NALCN: variants seen among roughly 807,000 people sequenced by gnomAD.
The protein encoded by NALCN is sodium leak channel, non-selective, also known as sodium leak channel NALCN.
NALCN carries 111 observed loss-of-function variants against 225.3 expected under a neutral mutation model. That is an observed-to-expected ratio of 0.49 (90% CI 0.42 to 0.58). The LOEUF is 0.58. Ranked by LOEUF, NALCN falls within the 20% of genes least tolerant of loss-of-function variation. NALCN has a pLI of 0.00. For synonymous variants in NALCN, 764 were observed against 769.0 expected, an observed-to-expected ratio of 0.99 and a Z score of 0.11; for missense variants, 1,378 against 2,202.4, an observed-to-expected ratio of 0.63 and a Z score of 7.49.
At chr13:101,279,176 GGAT>G (rs2043064101) in intron 10 of NALCN, among the ~76,000 whole-genome samples, 1 of 152,146 alleles carries the variant, frequency 6.6e-6, no homozygotes, top group Admixed American at 6.5e-5. Flanking sequence ...GAAAAGTGTA[GGAT>G]GATATGAAAA....
rs531523939 is a variant in NALCN, at chr13:101,282,420, C to T, written c.1134+1513G>A. On this transcript the variant is annotated intron_variant, in intron 10 of 43. Transcript: ENST00000251127. ...GAACTAGACACAGAAAGACAAACAC[C>T]GCATAATCTCATTTATATATGGAAT... Among the ~76,000 whole-genome samples the T allele has an allele frequency of 3.1e-3, 467 of 152,144 alleles. 2 individuals are homozygous for T. The highest frequency in any genetic ancestry group is 4.0e-3 in the African/African-American group (167 of 41,506).
intron 17 of NALCN, among the ~76,000 whole-genome samples, chr13:101,132,886 T>A (rs922136029): frequency 6.6e-6 from 1 of 152,144 alleles, no homozygotes; most frequent in African/African-American, 2.4e-5. Context: ...TATTCTCACA[T>A]CCTAATGCAA....
At chr13:101,314,244 T>C (rs867124394) in intron 7 of NALCN, among the ~76,000 whole-genome samples, 2 of 151,910 alleles carry the variant, frequency 1.3e-5, no homozygotes, top group East Asian at 1.9e-4. Flanking sequence ...CACACTAACA[T>C]GGCACATGTA....
At position 101,056,957 on chromosome 13, in the gene NALCN, C is replaced by A. The variant is rs139515573; in HGVS notation, c.5023+982G>T. On this transcript the variant is annotated intron_variant, in intron 43 of 43. Transcript: ENST00000251127. ...CTGCTGTGTTTGAATCAGGAGGAAC[C>A]TAGATCTTCTCTGATCTCTGAAAAA... 2.5e-3 allele frequency: 385 copies of A among 152,300 alleles called. 2 individuals are homozygous for A. The highest frequency in any genetic ancestry group is 8.8e-3 in the African/African-American group (366 of 41,564). 9.4% of individuals were successfully genotyped at this position (152,300 alleles called of 1,614,324 possible). A position where few individuals can be genotyped will look rare whatever the true frequency, so the allele number is the denominator to read the frequency against.
chr13:101,375,492 TC>T (rs2046662411), intron 6 of NALCN, among the ~76,000 whole-genome samples: 1 of 152,206 alleles, frequency 6.6e-6, no homozygotes, highest in African/African-American at 2.4e-5. Flanking sequence ...AAAGAAATCC[TC>T]CAACTGCAGA....
At chr13:101,167,563 TAGGTGGTTCACGC>T (rs1385844542) in intron 15 of NALCN, among the ~76,000 whole-genome samples, 2 of 152,098 alleles carry the variant, frequency 1.3e-5, no homozygotes, top group Non-Finnish European at 2.9e-5. Context: ...GTTGCCAGGT[TAGGTGGTTCACGC>T]CTGTAATCCC....
chr13:101,223,557 A>C (rs2041027448), intron 13 of NALCN, among the ~76,000 whole-genome samples: 1 of 152,066 alleles, frequency 6.6e-6, no homozygotes, highest in South Asian at 2.1e-4. Flanking sequence ...CAGATTACTC[A>C]AACACTTTCA....
intron 7 of NALCN, among the ~76,000 whole-genome samples, chr13:101,326,219 A>C (rs1189143914): frequency 2.0e-5 from 3 of 152,244 alleles, no homozygotes; most frequent in Admixed American, 6.5e-5. Flanking sequence ...ATTTGTAATC[A>C]AATGAAAATG....
At chr13:101,363,208 T>A (rs1043420718) in intron 6 of NALCN, among the ~76,000 whole-genome samples, 1 of 152,066 alleles carries the variant, frequency 6.6e-6, no homozygotes. Context: ...AAAATACCAA[T>A]GACATTCTTC....
intron 17 of NALCN, among the ~76,000 whole-genome samples, chr13:101,133,725 A>T (rs192547679): frequency 9.8e-5 from 15 of 152,314 alleles, no homozygotes; most frequent in African/African-American, 3.4e-4. Flanking sequence ...AAAAAATTTT[A>T]AAAGGTGATT....
intron 1 of NALCN, among the ~76,000 whole-genome samples, chr13:101,412,042 A>G (rs1310240454): frequency 1.3e-5 from 2 of 152,226 alleles, no homozygotes; most frequent in African/African-American, 4.8e-5. Context: ...TTTGATCACA[A>G]TGATGGTGAA....
At chr13:101,397,755 A>T (rs2047357475) in intron 2 of NALCN, among the ~76,000 whole-genome samples, 1 of 152,078 alleles carries the variant, frequency 6.6e-6, no homozygotes, top group South Asian at 2.1e-4. Context: ...ATAATATATG[A>T]TGCATATAAA....
At chr13:101,254,673 C>T (rs2042167573) in intron 11 of NALCN, among the ~76,000 whole-genome samples, 1 of 73,106 alleles carries the variant, frequency 1.4e-5, no homozygotes. Flanking sequence ...GGGCGGATCA[C>T]GAGGTCAGGA....
intron 14 of NALCN, chr13:101,181,039 A>G (rs893124505): frequency 2.0e-6 from 1 of 512,600 alleles, no homozygotes. Flanking sequence ...TGAAGCATTT[A>G]GACTTGGAGA....
At chr13:101,398,985 C>T in intron 2 of NALCN, 34 bp downstream of exon 2, 1 of 1,299,068 alleles carries the variant, frequency 7.7e-7, no homozygotes, top group South Asian at 1.2e-5. Context: ...CTCACATCCA[C>T]ATATGCTTCT....
intron 18 of NALCN, among the ~76,000 whole-genome samples, chr13:101,117,616 G>A (rs908465323): frequency 2.6e-5 from 4 of 152,188 alleles, no homozygotes; most frequent in Non-Finnish European, 4.4e-5. Context: ...GAATCATACA[G>A]TATGTAGACT....
In NALCN at chr13:101,107,496, C is replaced by T. The variant is rs200265303; in HGVS notation, c.2570G>A (p.Arg857His). ...AATGAAGTGTACTTACGCGTTGAAG[C>T]GTGCTCGGACCACCACCCGGCAAAA... ...RNFCRVVVRARFNASKTDPVT... is the reference protein window; with the variant it reads ...RNFCRVVVRAHFNASKTDPVT... The change falls in exon 22 of 44, where the codon CGC becomes CAC. Residue 857 changes from arginine to histidine, a missense_variant. Coordinates refer to ENST00000251127, the MANE Select transcript of NALCN (RefSeq NM_052867.4). 37 of 1,614,094 alleles carry T rather than the reference C, an allele frequency of 2.3e-5. No individual in the cohort carries two copies. Among genetic ancestry groups the T allele is most frequent in the East Asian group, 4.5e-5 (2 of 44,884 alleles).
chr13:101,388,436 T>C (rs1014416758), intron 3 of NALCN, among the ~76,000 whole-genome samples: 1 of 152,056 alleles, frequency 6.6e-6, no homozygotes, highest in East Asian at 1.9e-4. Context: ...AAAAAAAAAT[T>C]TTGGTTGTAG....
At chr13:101,087,997 C>T (rs1186079842) in intron 30 of NALCN, among the ~76,000 whole-genome samples, 1 of 152,088 alleles carries the variant, frequency 6.6e-6, no homozygotes, top group Non-Finnish European at 1.5e-5. Context: ...GGCTCAAAGG[C>T]ATCTAAAAAG....
Sources: gnomAD v4.1 joint callset for allele counts (sites outside exome capture counted in the v4.1 genomes callset) on GRCh38, gnomAD v4.1.1 for gene constraint, MANE v1.5 for transcripts, NCBI Gene and HGNC (gene_info 2026-07-23, HGNC 2026-07-21) for gene names.